ZC3H12B: variants seen among roughly 807,000 people sequenced by gnomAD.
The protein encoded by ZC3H12B is probable ribonuclease ZC3H12B.
Under a neutral mutation model 43.9 loss-of-function variants are expected in ZC3H12B, and 7 were observed. The observed-to-expected ratio is 0.16, with a 90% CI of 0.09 to 0.30. The LOEUF (loss-of-function observed/expected upper bound fraction) is 0.30. Among genes scored for constraint, ZC3H12B ranks in the 10% least tolerant of loss-of-function variants. The pLI is 1.00. For missense variants in ZC3H12B, 475 were observed against 670.2 expected (o/e 0.71, Z 3.22); for synonymous variants, 222 against 241.7 (o/e 0.92, Z 0.76).
the ZC3H12B span, among the ~76,000 whole-genome samples, chrX:65,037,126 TAA>T: frequency 3.3e-4 from 37 of 110,635 alleles, no homozygotes; most frequent in African/African-American, 1.2e-3. Flanking sequence ...TACCCAATGG[TAA>T]ATTACCGATG....
the ZC3H12B span, among the ~76,000 whole-genome samples, chrX:65,171,507 G>A: frequency 2.2e-4 from 25 of 111,274 alleles, no homozygotes; most frequent in Non-Finnish European, 4.0e-4. Flanking sequence ...ACTTGAGGAG[G>A]CAGTCTGACC....
chrX:65,186,288 T>G, the ZC3H12B span: 1 of 109,517 alleles, frequency 9.1e-6, no homozygotes, highest in African/African-American at 3.3e-5. Flanking sequence ...GGTTAGGAGT[T>G]CAAGACCAGC....
At chrX:65,328,266 G>A in the ZC3H12B span, 4 of 255,476 alleles carry the variant, frequency 1.6e-5, no homozygotes, top group Admixed American at 8.8e-5. Flanking sequence ...GGGTAGGTGG[G>A]TGCCCAACAT....
the ZC3H12B span, among the ~76,000 whole-genome samples, chrX:65,315,877 A>G: frequency 8.9e-6 from 1 of 111,864 alleles, no homozygotes; most frequent in Non-Finnish European, 1.9e-5. Context: ...AAGATCATCC[A>G]CATCCAGTAA....
At chrX:65,348,738 A>G in the ZC3H12B span, among the ~76,000 whole-genome samples, 1 of 110,688 alleles carries the variant, frequency 9.0e-6, no homozygotes, top group Non-Finnish European at 1.9e-5. Flanking sequence ...GATAAAACAG[A>G]CTTTAAACCA....
the ZC3H12B span, among the ~76,000 whole-genome samples, chrX:65,173,598 C>A: frequency 8.9e-6 from 1 of 111,759 alleles, no homozygotes; most frequent in African/African-American, 3.3e-5. Context: ...TATGTTCCAT[C>A]AATATATAGT....
At chrX:65,203,898 A>T in the ZC3H12B span, among the ~76,000 whole-genome samples, 1 of 111,676 alleles carries the variant, frequency 9.0e-6, no homozygotes, top group Non-Finnish European at 1.9e-5. Flanking sequence ...GCTTTCCTGA[A>T]CTGAGGTTCC....
At chrX:65,163,457 A>C in the ZC3H12B span, among the ~76,000 whole-genome samples, 3 of 111,051 alleles carry the variant, frequency 2.7e-5, no homozygotes, top group Admixed American at 9.6e-5. Flanking sequence ...TGTTTACCTA[A>C]GCAAGCCTGA....
chrX:65,167,377 G>A, the ZC3H12B span, among the ~76,000 whole-genome samples: 1 of 110,558 alleles, frequency 9.0e-6, no homozygotes, highest in Non-Finnish European at 1.9e-5. Context: ...ATTTCTGAGG[G>A]CTCTGTTCTG....
At chrX:65,159,802 G>T in the ZC3H12B span, among the ~76,000 whole-genome samples, 3 of 111,886 alleles carry the variant, frequency 2.7e-5, no homozygotes, top group Non-Finnish European at 5.6e-5. Context: ...ACACTATGTG[G>T]AAGAGGAGTG....
the ZC3H12B span, among the ~76,000 whole-genome samples, chrX:65,037,122 A>AC: frequency 6.3e-5 from 7 of 110,605 alleles, no homozygotes; most frequent in South Asian, 2.7e-3. Context: ...TGCTTACCCA[A>AC]TGGTAAATTA....
At chrX:65,185,150 T>A in the ZC3H12B span, 1 of 111,102 alleles carries the variant, frequency 9.0e-6, no homozygotes. Context: ...ACTTCAAAGG[T>A]TTTTTAGTGG....
At chrX:65,482,843 G>C (rs2068080206) in intron 3 of ZC3H12B, among the ~76,000 whole-genome samples, 1 of 111,954 alleles carries the variant, frequency 8.9e-6, no homozygotes, top group South Asian at 3.7e-4. Flanking sequence ...AATGGGTCTT[G>C]AAATCAAAAT....
chrX:65,057,348 A>T, the ZC3H12B span, among the ~76,000 whole-genome samples: 1 of 111,514 alleles, frequency 9.0e-6, no homozygotes, highest in South Asian at 3.8e-4. Flanking sequence ...TATGAAGCTT[A>T]GTTTGGCTGG....
chrX:65,330,790 G>T, the ZC3H12B span: 1 of 154,021 alleles, frequency 6.5e-6, no homozygotes. Flanking sequence ...TTGATGTGTT[G>T]CTGGATTCGG....
chrX:65,339,339 C>A, the ZC3H12B span, among the ~76,000 whole-genome samples: 4 of 111,783 alleles, frequency 3.6e-5, no homozygotes, highest in African/African-American at 1.3e-4. Context: ...CCCCCAATGA[C>A]TTTGGGGAAA....
At chrX:65,226,473 CTAATGAGCAAAA>C in the ZC3H12B span, among the ~76,000 whole-genome samples, 1 of 111,638 alleles carries the variant, frequency 9.0e-6, no homozygotes, top group East Asian at 2.8e-4. Context: ...CCTGCGTCAA[CTAATGAGCAAAA>C]TAACCAGCTA....
chrX:65,310,888 A>C, the ZC3H12B span, among the ~76,000 whole-genome samples: 1 of 112,158 alleles, frequency 8.9e-6, no homozygotes, highest in Admixed American at 9.5e-5. Flanking sequence ...CAAAAACAAG[A>C]AATGGGGAAA....
At chrX:65,432,867 T>A (rs1479893357) in intron 3 of ZC3H12B, among the ~76,000 whole-genome samples, 1 of 112,063 alleles carries the variant, frequency 8.9e-6, no homozygotes, top group African/African-American at 3.2e-5. Flanking sequence ...TTTGCTCCTA[T>A]GTCCAATCAG....
Sources: allele counts gnomAD v4.1 joint callset (sites outside exome capture counted in the v4.1 genomes callset), GRCh38; gene constraint gnomAD v4.1.1; transcripts MANE v1.5; gene names NCBI Gene and HGNC (gene_info 2026-07-23, HGNC 2026-07-21).